Variants in FAM135B observed in about 807,000 individuals in gnomAD.
FAM135B encodes family with sequence similarity 135 member B, also known as protein FAM135B.
Under a neutral mutation model 127.7 loss-of-function variants are expected in FAM135B, and 43 were observed. That is an observed-to-expected ratio of 0.34 (90% CI 0.26 to 0.43). FAM135B has a LOEUF of 0.43. Ranked by LOEUF, FAM135B falls within the 20% of genes least tolerant of loss-of-function variation. The pLI, the probability that FAM135B is intolerant of heterozygous loss-of-function variation, is 1.00. For missense variants in FAM135B, 1,558 were observed against 1,725.6 expected (o/e 0.90, Z 1.72); for synonymous variants, 670 against 665.1 (o/e 1.01, Z -0.11).
chr8:138,464,706 G>A (rs184910496), intron 1 of FAM135B, among the ~76,000 whole-genome samples: 28 of 152,312 alleles, frequency 1.8e-4, no homozygotes, highest in Admixed American at 1.6e-3. Flanking sequence ...GCGGCTGGAT[G>A]ACAGTGGGCC....
At chr8:138,143,692 GT>G (rs1416049681) in intron 15 of FAM135B, among the ~76,000 whole-genome samples, 1 of 152,208 alleles carries the variant, frequency 6.6e-6, no homozygotes, top group African/African-American at 2.4e-5. Context: ...TATTAGATTG[GT>G]TTCTATAACC....
At chr8:138,198,092 C>T (rs1012277505) in intron 7 of FAM135B, among the ~76,000 whole-genome samples, 7 of 152,132 alleles carry the variant, frequency 4.6e-5, no homozygotes, top group Non-Finnish European at 8.8e-5. Context: ...CTCCACATGT[C>T]ATGGGAGGGA....
chr8:138,293,788 C>G (rs1293897977), intron 3 of FAM135B, among the ~76,000 whole-genome samples: 2 of 152,112 alleles, frequency 1.3e-5, no homozygotes, highest in Non-Finnish European at 2.9e-5. Flanking sequence ...ATGCTATACA[C>G]TGCTGGTGGG....
chr8:138,443,936 A>C (rs921868051), intron 1 of FAM135B, among the ~76,000 whole-genome samples: 1 of 152,192 alleles, frequency 6.6e-6, no homozygotes, highest in Non-Finnish European at 1.5e-5. Context: ...ACATAGGCTC[A>C]AAATAAAGGG....
intron 1 of FAM135B, among the ~76,000 whole-genome samples, chr8:138,447,347 C>T (rs1208018111): frequency 6.6e-6 from 1 of 151,936 alleles, no homozygotes; most frequent in African/African-American, 2.4e-5. Context: ...TATAAAGACA[C>T]ATGCACACAT....
At chr8:138,349,951 A>G (rs1829667549) in intron 2 of FAM135B, among the ~76,000 whole-genome samples, 1 of 152,246 alleles carries the variant, frequency 6.6e-6, no homozygotes, top group South Asian at 2.1e-4. Flanking sequence ...GCTAAAATTT[A>G]TTGAGAACAA....
chr8:138,147,099 C>T (rs1443124024), intron 14 of FAM135B, among the ~76,000 whole-genome samples: 2 of 152,030 alleles, frequency 1.3e-5, no homozygotes, highest in African/African-American at 4.8e-5. Flanking sequence ...GAGTACATGC[C>T]CAAACTTGTA....
At chr8:138,164,739 G>A (rs1819740603) in intron 12 of FAM135B, among the ~76,000 whole-genome samples, 1 of 152,152 alleles carries the variant, frequency 6.6e-6, no homozygotes, top group Admixed American at 6.5e-5. Context: ...GATGTCTCAT[G>A]TCTCCCTAAA....
At chr8:138,183,801 T>C (rs1456732389) in intron 9 of FAM135B, among the ~76,000 whole-genome samples, 1 of 152,206 alleles carries the variant, frequency 6.6e-6, no homozygotes. Flanking sequence ...TCTTGTTGAG[T>C]TCAGTTTGAT....
At chr8:138,351,952 A>G (rs941129169) in intron 2 of FAM135B, among the ~76,000 whole-genome samples, 1 of 152,092 alleles carries the variant, frequency 6.6e-6, no homozygotes, top group Non-Finnish European at 1.5e-5. Flanking sequence ...GGCCTCCCAA[A>G]GTGCTGGGAT....
chr8:138,202,334 C>T (rs1233437607), intron 7 of FAM135B, among the ~76,000 whole-genome samples: 1 of 151,962 alleles, frequency 6.6e-6, no homozygotes, highest in Admixed American at 6.5e-5. Flanking sequence ...ATTGCAGCCT[C>T]GGCCTCCTAA....
chr8:138,209,052 G>T (rs1270878744), intron 7 of FAM135B, among the ~76,000 whole-genome samples: 1 of 152,086 alleles, frequency 6.6e-6, no homozygotes, highest in East Asian at 1.9e-4. Flanking sequence ...CATTGTGGTT[G>T]GGTTTCTATA....
intron 12 of FAM135B, among the ~76,000 whole-genome samples, chr8:138,164,749 A>C (rs1227869358): frequency 6.6e-6 from 1 of 152,130 alleles, no homozygotes; most frequent in Non-Finnish European, 1.5e-5. Flanking sequence ...GTCTCCCTAA[A>C]ATGCATAAAA....
intron 1 of FAM135B, among the ~76,000 whole-genome samples, chr8:138,417,062 T>A (rs1274866629): frequency 1.3e-5 from 2 of 152,172 alleles, no homozygotes; most frequent in African/African-American, 4.8e-5. Context: ...TGCATGTAGC[T>A]TAGAGAATAT....
At chr8:138,410,613 T>C (rs539721383) in intron 1 of FAM135B, among the ~76,000 whole-genome samples, 1 of 152,226 alleles carries the variant, frequency 6.6e-6, no homozygotes, top group African/African-American at 2.4e-5. Flanking sequence ...AGAATGGCTA[T>C]TATTAAAAAG....
chr8:138,144,067 C>T (rs1817446485), intron 15 of FAM135B, among the ~76,000 whole-genome samples: 2 of 152,218 alleles, frequency 1.3e-5, no homozygotes, highest in Admixed American at 1.3e-4. Flanking sequence ...ATCTAAACCT[C>T]AGTCTCCTTA....
At chr8:138,265,227 GATCATTTCTCACATCAC>G in intron 4 of FAM135B, among the ~76,000 whole-genome samples, 1 of 152,200 alleles carries the variant, frequency 6.6e-6, no homozygotes. Flanking sequence ...TCTCCACAGA[GATCATTTCTCACATCAC>G]CTGCCAAGGT....
intron 11 of FAM135B, among the ~76,000 whole-genome samples, chr8:138,173,729 TACAATTA>T (rs1433325999): frequency 6.6e-6 from 1 of 152,220 alleles, no homozygotes; most frequent in Admixed American, 6.5e-5. Context: ...AGTTAAAACT[TACAATTA>T]ACACAGGAAA....
chr8:138,144,877 A>G (rs1817527470), intron 15 of FAM135B, among the ~76,000 whole-genome samples: 1 of 152,172 alleles, frequency 6.6e-6, no homozygotes, highest in South Asian at 2.1e-4. Context: ...TCTTGCTAAC[A>G]ATTCTTATCT....
Sources: gnomAD v4.1 joint callset for allele counts (sites outside exome capture counted in the v4.1 genomes callset) on GRCh38, gnomAD v4.1.1 for gene constraint, MANE v1.5 for transcripts, NCBI Gene and HGNC (gene_info 2026-07-23, HGNC 2026-07-21) for gene names.